The following ZNF91 variants were observed in gnomAD, a reference collection of about 807,000 sequenced individuals.
ZNF91 encodes the protein zinc finger protein 91, also known as zinc finger protein 91 (HPF7, HTF10).
In ZNF91, 7 loss-of-function variants were observed where a neutral mutation model predicts 12.6. The observed-to-expected ratio is 0.55, with a 90% CI of 0.31 to 1.04. The LOEUF is 1.04. Ranked by LOEUF, ZNF91 falls within the 50% of genes least tolerant of loss-of-function variation. The pLI, the probability that ZNF91 is intolerant of heterozygous loss-of-function variation, is 0.05. For synonymous variants in ZNF91, 453 were observed against 462.6 expected, an observed-to-expected ratio of 0.98 and a Z score of 0.27; for missense variants, 1,217 against 1,385.4, an observed-to-expected ratio of 0.88 and a Z score of 1.93.
chr19:23,317,776 A>G (rs1225615936), intron 1 of ZNF91, among the ~76,000 whole-genome samples: 1 of 152,192 alleles, frequency 6.6e-6, no homozygotes, highest in African/African-American at 2.4e-5. Context: ...CTAAGGAGGC[A>G]TAGTGCACAG....
chr19:23,356,395 T>C (rs192780052), downstream of ZNF91, among the ~76,000 whole-genome samples: 613 of 152,198 alleles, frequency 4.0e-3, 9 homozygotes, highest in African/African-American at 0.014. Context: ...CATACATATA[T>C]ATATGTTGGA....
At chr19:23,312,984 C>T (rs1480271796), upstream of ZNF91, among the ~76,000 whole-genome samples, 1 of 152,136 alleles carries the variant, frequency 6.6e-6, no homozygotes, top group Non-Finnish European at 1.5e-5. Context: ...GATTCTAAGA[C>T]CAATATTCAG....
chr19:23,372,791 C>T (rs978012915), intron 3 of ZNF91, among the ~76,000 whole-genome samples: 3 of 152,212 alleles, frequency 2.0e-5, no homozygotes, highest in Non-Finnish European at 4.4e-5. Flanking sequence ...AGCCACAGTT[C>T]ATGGCCGGTT....
Position 23,361,992 on chromosome 19 carries a change from T to C in ZNF91, c.987A>G (p.Lys329=), listed in dbSNP as rs770132509. 26 of 1,613,546 alleles carry C rather than the reference T, an allele frequency of 1.6e-5. No individual in the cohort carries two copies. Among genetic ancestry groups the C allele is most frequent in the African/African-American group, 2.7e-5 (2 of 74,930 alleles). The change falls in exon 4 of 4, where the codon AAA becomes AAG. Residue 329 remains lysine (K), a synonymous_variant. Coordinates refer to ENST00000300619, the MANE Select transcript of ZNF91 (RefSeq NM_003430.4). ...CAAGGGTTGAAGAACGGCTAAAAGC[T>C]TTGCCACATTCTTCACATTTGTAGG... ...EKPYKCEECG[K]AFSRSSTLAK...
intron 1 of ZNF91, among the ~76,000 whole-genome samples, chr19:23,388,170 C>A (rs1055551665): frequency 2.6e-5 from 4 of 151,820 alleles, no homozygotes; most frequent in African/African-American, 9.7e-5. Flanking sequence ...TGCTGGAACC[C>A]GAGAGGCGGA....
chr19:23,382,011 C>A (rs1473969101), intron 1 of ZNF91, among the ~76,000 whole-genome samples: 5 of 97,552 alleles, frequency 5.1e-5, no homozygotes, highest in East Asian at 2.8e-4. Flanking sequence ...AAAAACGAAG[C>A]AATTAATCTC....
intron 1 of ZNF91, among the ~76,000 whole-genome samples, chr19:23,376,346 G>GA (rs1969503244): frequency 6.6e-6 from 1 of 151,772 alleles, no homozygotes; most frequent in Non-Finnish European, 1.5e-5. Context: ...AGATAGAAAA[G>GA]AAATATTTTC....
chr19:23,333,462 ATTTC>A (rs1193480115), intron 1 of ZNF91, among the ~76,000 whole-genome samples: 1 of 152,106 alleles, frequency 6.6e-6, no homozygotes, highest in Non-Finnish European at 1.5e-5. Context: ...GGGAGGTATT[ATTTC>A]TTTGTTGTTT....
chr19:23,384,673 A>C (rs1285840683), intron 1 of ZNF91: 3 of 570,722 alleles, frequency 5.3e-6, no homozygotes, highest in Non-Finnish European at 9.4e-6. Flanking sequence ...AAAGAGGGCC[A>C]AGCATGACGT....
chr19:23,325,172 TGAG>T (rs1395264168), intron 1 of ZNF91: 1 of 151,650 alleles, frequency 6.6e-6, no homozygotes, highest in Non-Finnish European at 1.5e-5. Flanking sequence ...GGCAGGATGA[TGAG>T]GAGACTAAAT....
chr19:23,380,206 CCGAGATTG>C (rs1356610692), intron 1 of ZNF91: 1 of 137,324 alleles, frequency 7.3e-6, no homozygotes, highest in African/African-American at 2.7e-5. Flanking sequence ...TTGCAGTGAG[CCGAGATTG>C]CGAGATTGCA....
chr19:23,391,389 A>T (rs752804109), intron 1 of ZNF91, among the ~76,000 whole-genome samples: 2 of 152,186 alleles, frequency 1.3e-5, no homozygotes, highest in Non-Finnish European at 2.9e-5. Context: ...TTATCCTAAG[A>T]ACATGCTGAC....
At chr19:23,314,877 T>C (rs1238831591), upstream of ZNF91, among the ~76,000 whole-genome samples, 2 of 152,204 alleles carry the variant, frequency 1.3e-5, no homozygotes, top group Non-Finnish European at 2.9e-5. Context: ...TTCTGGGCTC[T>C]GCATATATTC....
In ZNF91 at chr19:23,362,548, T is replaced by G. The variant is rs771928578; in HGVS notation, c.431A>C (p.Gln144Pro). 6.2e-7 allele frequency: 1 copy of G among 1,600,544 alleles called. No homozygotes were observed. The highest frequency in any genetic ancestry group is 1.8e-5 in the Admixed American group (1 of 56,814). ...TTTGCTCTGGGCAGTTGTGAGACAC[T>G]GGTTAAGTTTATTATAACCTTCTTT... ...VHKEGYNKLN[Q>P]CLTTAQSKVF... The change falls in exon 4 of 4, where the codon CAG becomes CCG. Residue 144 changes from glutamine (Q) to proline (P), a missense_variant. Gln to Pro is a moderately conservative substitution (Grantham distance 76, BLOSUM62 -1). Around this residue, in one of 2 missense-constraint regions of ZNF91, gnomAD observed 726 missense variants for 895.5 expected, o/e 0.81. Coordinates refer to ENST00000300619, the MANE Select transcript of ZNF91 (RefSeq NM_003430.4).
chr19:23,333,435 C>T (rs1325039911), intron 1 of ZNF91, among the ~76,000 whole-genome samples: 2 of 152,146 alleles, frequency 1.3e-5, no homozygotes, highest in African/African-American at 4.8e-5. Flanking sequence ...TGTCCAAGCT[C>T]AACTGTGATA....
chr19:23,340,824 T>C (rs1968108803), intron 3 of ZNF91, among the ~76,000 whole-genome samples: 1 of 150,612 alleles, frequency 6.6e-6, no homozygotes, highest in East Asian at 1.9e-4. Context: ...GCAGGGTAAA[T>C]ATGCAAGCTA....
intron 1 of ZNF91, among the ~76,000 whole-genome samples, chr19:23,329,322 T>C (rs1967888234): frequency 6.6e-6 from 1 of 152,152 alleles, no homozygotes; most frequent in African/African-American, 2.4e-5. Flanking sequence ...GGAAGCAAGC[T>C]AGGACTCTCA....
chr19:23,379,852 G>C (rs1969636252), intron 1 of ZNF91, among the ~76,000 whole-genome samples: 1 of 152,290 alleles, frequency 6.6e-6, no homozygotes, highest in African/African-American at 2.4e-5. Context: ...GTCCTCTTTT[G>C]TTTCCTACCA....
intron 1 of ZNF91, among the ~76,000 whole-genome samples, chr19:23,331,118 T>G (rs767657896): frequency 6.6e-6 from 1 of 152,212 alleles, no homozygotes; most frequent in Non-Finnish European, 1.5e-5. Flanking sequence ...GTATTTGCAC[T>G]GTTATAGTGC....
Sources: allele counts gnomAD v4.1 joint callset (sites outside exome capture counted in the v4.1 genomes callset), GRCh38; gene constraint gnomAD v4.1.1; regional missense constraint gnomAD v4.1.1; transcripts MANE v1.5; gene names NCBI Gene and HGNC (gene_info 2026-07-23, HGNC 2026-07-21).